TNFRSF10B: variants seen among roughly 807,000 people sequenced by gnomAD.
TNFRSF10B encodes tumor necrosis factor receptor superfamily member 10B.
Under a neutral mutation model 41.4 loss-of-function variants are expected in TNFRSF10B, and 35 were observed. The ratio of observed to expected loss-of-function variants is 0.85; its 90% CI spans 0.65 to 1.12. TNFRSF10B has a LOEUF of 1.12. TNFRSF10B is among the 50% of genes most tolerant of loss of function. The pLI is 0.00. For missense variants in TNFRSF10B, 584 were observed against 552.7 expected (o/e 1.06, Z -0.57); for synonymous variants, 230 against 215.5 (o/e 1.07, Z -0.59).
chr8:23,039,579 C>A (rs1294369981), intron 2 of TNFRSF10B, among the ~76,000 whole-genome samples: 1 of 152,110 alleles, frequency 6.6e-6, no homozygotes, highest in African/African-American at 2.4e-5. Context: ...CTAAAACCAA[C>A]AACAAAACAA....
intron 2 of TNFRSF10B, among the ~76,000 whole-genome samples, chr8:23,033,976 A>G (rs865784080): frequency 2.0e-4 from 30 of 152,278 alleles, no homozygotes; most frequent in Non-Finnish European, 5.9e-5. Context: ...ATGCTTCAAC[A>G]TATGATTTTG....
In TNFRSF10B at chr8:23,022,408, C is replaced by G; in HGVS notation, c.*263G>C. 1 of 607,298 alleles carries G rather than the reference C, an allele frequency of 1.6e-6. No homozygotes were observed. Among genetic ancestry groups the G allele is most frequent in the Non-Finnish European group, 3.1e-6 (1 of 326,780 alleles). The allele number at this position is 607,298 out of a possible 1,614,324, so 37.6% of individuals were successfully genotyped here. A position where few individuals can be genotyped will look rare whatever the true frequency, so the allele number is the denominator to read the frequency against. ...GCTGTGAAAACAATGACATCCCAAA[C>G]CAAATCTCAAAGTACGCACAAACGG... On this transcript the variant is annotated 3_prime_UTR_variant, in exon 9 of 9. Transcript: ENST00000276431.
At chr8:23,036,817 C>A (rs776318311) in intron 2 of TNFRSF10B, among the ~76,000 whole-genome samples, 1 of 152,210 alleles carries the variant, frequency 6.6e-6, no homozygotes, top group South Asian at 2.1e-4. Flanking sequence ...CACTCTAGCC[C>A]GGGCAACAAT....
chr8:23,059,870 T>G (rs1366639411), intron 1 of TNFRSF10B, among the ~76,000 whole-genome samples: 1 of 152,234 alleles, frequency 6.6e-6, no homozygotes, highest in Non-Finnish European at 1.5e-5. Context: ...TCTGTCGTTT[T>G]GACCAGCAGT....
chr8:23,030,931 G>T, intron 2 of TNFRSF10B, 59 bp from the exon 3 acceptor site: 10 of 1,276,610 alleles, frequency 7.8e-6, no homozygotes, highest in Non-Finnish European at 1.0e-5. Flanking sequence ...GAAGCTGGCA[G>T]TGGTGGCTGG....
At chr8:23,049,844 T>A (rs1812471469) in intron 1 of TNFRSF10B, 1 of 152,226 alleles carries the variant, frequency 6.6e-6, no homozygotes, top group African/African-American at 2.4e-5. Flanking sequence ...TTCACCTGCA[T>A]CTCATTATTG....
intron 7 of TNFRSF10B, among the ~76,000 whole-genome samples, chr8:23,024,541 G>C (rs1205291789): frequency 2.0e-5 from 3 of 149,388 alleles, no homozygotes; most frequent in African/African-American, 7.4e-5. Flanking sequence ...TTTTTTTCGA[G>C]ACAGAGTCTC....
intron 1 of TNFRSF10B, among the ~76,000 whole-genome samples, chr8:23,056,564 T>C (rs1425862743): frequency 6.6e-6 from 1 of 150,868 alleles, no homozygotes. Context: ...GGCAGGAGGA[T>C]CCCTTGAACC....
chr8:23,037,400 A>G (rs1054546562), intron 2 of TNFRSF10B, among the ~76,000 whole-genome samples: 4 of 152,224 alleles, frequency 2.6e-5, no homozygotes, highest in African/African-American at 9.6e-5. Flanking sequence ...ACCTGGTGGC[A>G]GGTTGATTAT....
intron 4 of TNFRSF10B, 36 bp downstream of exon 4, chr8:23,029,574 C>T (rs1456073850): frequency 1.3e-6 from 2 of 1,577,462 alleles, no homozygotes; most frequent in Non-Finnish European, 8.6e-7. Flanking sequence ...TTTGGGGTTC[C>T]ATGGAGCTAC....
At position 23,068,835 on chromosome 8, in the gene TNFRSF10B, T is replaced by C. The variant is rs758649341; in HGVS notation, c.60A>G (p.Pro20=). ...AASGARKRHG[P]GPREARGARP... ...TGGCTCCCCGCGCCTCCCTGGGTCC[T>C]GGGCCGTGCCTTTTCCGGGCCCCCG... is the stretch of plus-strand genomic sequence containing the variant. The change falls in exon 1 of 9, where the codon CCA becomes CCG. Residue 20 remains proline, a synonymous_variant. Coordinates refer to ENST00000276431, the MANE Select transcript of TNFRSF10B (RefSeq NM_003842.5). 2 of 1,613,148 alleles carry C rather than the reference T, an allele frequency of 1.2e-6. No individual in the cohort carries two copies. The highest frequency in any genetic ancestry group is 1.1e-5 in the South Asian group (1 of 91,046).
intron 6 of TNFRSF10B, 131 bp from the exon 7 acceptor site, chr8:23,027,419 A>C: frequency 8.5e-7 from 1 of 1,172,204 alleles, no homozygotes; most frequent in Non-Finnish European, 1.2e-6. Flanking sequence ...CAGGCAGCCC[A>C]GACTCAGCAC....
At chr8:23,027,098 A>C in intron 7 of TNFRSF10B, 35 bp downstream of exon 7, 9 of 1,613,278 alleles carry the variant, frequency 5.6e-6, no homozygotes, top group Non-Finnish European at 7.6e-6. Context: ...GGTGAGCAGC[A>C]TGCCAGGAAA....
chr8:23,027,870 G>A, intron 5 of TNFRSF10B, 117 bp from the exon 6 acceptor site: 1 of 1,287,706 alleles, frequency 7.8e-7, no homozygotes, highest in South Asian at 1.2e-5. Flanking sequence ...AAGGAGCCCT[G>A]GGGCTGGGGA....
At chr8:23,047,926 T>C (rs930986837) in intron 1 of TNFRSF10B, among the ~76,000 whole-genome samples, 2 of 152,222 alleles carry the variant, frequency 1.3e-5, no homozygotes, top group South Asian at 4.1e-4. Flanking sequence ...GCAGCTCTAT[T>C]TACAACAGCC....
At chr8:23,030,654 A>ACCATGGTATTCTGGT in intron 3 of TNFRSF10B, 105 bp downstream of exon 3, 1 of 821,384 alleles carries the variant, frequency 1.2e-6, no homozygotes, top group Non-Finnish European at 2.0e-6. Context: ...TATGATGAAG[A>ACCATGGTATTCTGGT]CCAAGGTGGA....
At chr8:23,044,714 C>T (rs986491737) in intron 1 of TNFRSF10B, among the ~76,000 whole-genome samples, 57 of 151,814 alleles carry the variant, frequency 3.8e-4, no homozygotes, top group African/African-American at 1.4e-3. Flanking sequence ...TAATGTTGTA[C>T]CTCAAGGAAA....
intron 7 of TNFRSF10B, among the ~76,000 whole-genome samples, chr8:23,026,257 T>C (rs1242163927): frequency 7.2e-6 from 1 of 138,374 alleles, no homozygotes; most frequent in Non-Finnish European, 1.6e-5. Context: ...TTTTCAAGGA[T>C]AAGATCTAGT....
At chr8:23,068,232 A>ATC in intron 1 of TNFRSF10B, 1 of 161,356 alleles carries the variant, frequency 6.2e-6, no homozygotes, top group Non-Finnish European at 1.4e-5. Flanking sequence ...CCGCGCACGG[A>ATC]ACGGAACCAC....
Sources: gnomAD v4.1 joint callset for allele counts (sites outside exome capture counted in the v4.1 genomes callset) on GRCh38, gnomAD v4.1.1 for gene constraint, MANE v1.5 for transcripts, NCBI Gene and HGNC (gene_info 2026-07-23, HGNC 2026-07-21) for gene names.